The following GOPC variants were observed in gnomAD, a reference collection of about 807,000 sequenced individuals.
The protein encoded by GOPC is golgi associated PDZ and coiled-coil motif containing.
In GOPC, 32 loss-of-function variants were observed where a neutral mutation model predicts 51.2. That is an observed-to-expected ratio of 0.63 (90% CI 0.47 to 0.84). GOPC has a LOEUF of 0.84. Among genes scored for constraint, GOPC ranks in the 40% least tolerant of loss-of-function variants. GOPC has a pLI of 0.00. For missense variants in GOPC, 441 were observed against 555.5 expected, an observed-to-expected ratio of 0.79 and a Z score of 2.07; for synonymous variants, 190 against 205.1, an observed-to-expected ratio of 0.93 and a Z score of 0.63.
chr6:117,598,098 C>T (rs1041464862), intron 1 of GOPC, among the ~76,000 whole-genome samples: 2 of 151,436 alleles, frequency 1.3e-5, no homozygotes, highest in East Asian at 1.9e-4. Context: ...GTGGCCCATA[C>T]CTGTAATACC....
chr6:117,601,487 C>T (rs1772009300), intron 1 of GOPC, among the ~76,000 whole-genome samples: 1 of 152,184 alleles, frequency 6.6e-6, no homozygotes, highest in Admixed American at 6.5e-5. Flanking sequence ...GTGATACTAT[C>T]GTTATGCACC....
At position 117,580,543 on chromosome 6, in the gene GOPC, A is replaced by C. The variant is rs117234643; in HGVS notation, c.286-1479T>G. ...TGAATGGCTTTGGATGATAAACTAAAACTGATATTCAATCTAACAGGAAAT... is the reference window on the plus strand; with the variant it reads ...TGAATGGCTTTGGATGATAAACTAACACTGATATTCAATCTAACAGGAAAT... On this transcript the variant is annotated intron_variant, in intron 1 of 8. Coordinates refer to ENST00000368498, the MANE Select transcript of GOPC (RefSeq NM_020399.4). 9.5e-4 allele frequency among the ~76,000 whole-genome samples: 145 copies of C among 152,236 alleles called. 1 individual carries two copies. In the East Asian group the frequency reaches 0.026, roughly 27 times the overall value.
At chr6:117,596,141 G>A (rs953708828) in intron 1 of GOPC, among the ~76,000 whole-genome samples, 15 of 152,148 alleles carry the variant, frequency 9.9e-5, no homozygotes, top group African/African-American at 3.4e-4. Flanking sequence ...GCATTCCTCT[G>A]ATCATTAGTG....
chr6:117,597,127 T>C (rs1418420082), intron 1 of GOPC, among the ~76,000 whole-genome samples: 3 of 152,330 alleles, frequency 2.0e-5, no homozygotes, highest in Admixed American at 1.3e-4. Flanking sequence ...TATTCCAAAA[T>C]ATTTTAATTT....
At chr6:117,579,467 G>A (rs1031779047) in intron 1 of GOPC, among the ~76,000 whole-genome samples, 3 of 152,064 alleles carry the variant, frequency 2.0e-5, no homozygotes, top group African/African-American at 7.2e-5. Flanking sequence ...GAAGATGTCA[G>A]TAAGTGAGTT....
chr6:117,569,430 C>G, intron 7 of GOPC, 142 bp downstream of exon 7: 1 of 1,145,022 alleles, frequency 8.7e-7, no homozygotes, highest in Non-Finnish European at 1.2e-6. Flanking sequence ...TGAATGTCAG[C>G]TATAAAAGCA....
intron 5 of GOPC, among the ~76,000 whole-genome samples, chr6:117,572,134 C>G (rs1481074110): frequency 6.6e-6 from 1 of 152,022 alleles, no homozygotes; most frequent in African/African-American, 2.4e-5. Flanking sequence ...TCTTGGATAC[C>G]CCATTGTCAC....
At chr6:117,578,415 T>C (rs1779913073) in intron 2 of GOPC, among the ~76,000 whole-genome samples, 2 of 152,110 alleles carry the variant, frequency 1.3e-5, no homozygotes, top group Admixed American at 1.3e-4. Context: ...ATCCTGAGGA[T>C]GGAAACCATA....
At chr6:117,582,645 A>G (rs564686638) in intron 1 of GOPC, among the ~76,000 whole-genome samples, 203 of 151,130 alleles carry the variant, frequency 1.3e-3, no homozygotes, top group Non-Finnish European at 2.4e-3. Flanking sequence ...ACTTCAGGGG[A>G]GAGTGACATG....
intron 1 of GOPC, among the ~76,000 whole-genome samples, chr6:117,581,711 T>C (rs962115297): frequency 1.3e-5 from 2 of 152,236 alleles, no homozygotes; most frequent in Non-Finnish European, 2.9e-5. Context: ...CATTACTATT[T>C]TTCATTCATT....
At chr6:117,582,437 C>T (rs772072173) in intron 1 of GOPC, among the ~76,000 whole-genome samples, 3 of 151,692 alleles carry the variant, frequency 2.0e-5, no homozygotes, top group Admixed American at 6.6e-5. Context: ...CACTCTCTCC[C>T]GACTGGTTCT....
intron 1 of GOPC, among the ~76,000 whole-genome samples, chr6:117,588,899 T>C (rs1780072651): frequency 6.6e-6 from 1 of 152,004 alleles, no homozygotes; most frequent in South Asian, 2.1e-4. Flanking sequence ...TCTGAGAACC[T>C]TGACTTAGAC....
intron 1 of GOPC, among the ~76,000 whole-genome samples, chr6:117,591,936 C>T (rs904109531): frequency 7.2e-5 from 11 of 152,282 alleles, no homozygotes; most frequent in Admixed American, 2.6e-4. Context: ...GTTAGGAACA[C>T]CCGAGAAGAA....
Position 117,602,083 on chromosome 6 carries a change from T to A in GOPC, c.206A>T (p.Lys69Met). The A allele has an allele frequency of 6.2e-7, 1 of 1,614,172 alleles. No homozygotes were observed. The highest frequency in any genetic ancestry group is 2.2e-5 in the East Asian group (1 of 44,868). ...QADITYEGRQ[K>M]MTSLSSCFAQ... ...AAAGCAGGAGCTCAGGCTGGTCATCTTCTGTCGCCCCTCATAAGTGATGTC... is the reference window on the plus strand; with the variant it reads ...AAAGCAGGAGCTCAGGCTGGTCATCATCTGTCGCCCCTCATAAGTGATGTC... Residue 69 changes from lysine (K) to methionine (M), a missense_variant, in exon 1 of 9, where the codon AAG becomes ATG. Transcript: ENST00000368498.
chr6:117,563,829 G>A (rs540836464), intron 8 of GOPC, among the ~76,000 whole-genome samples: 6 of 152,048 alleles, frequency 3.9e-5, no homozygotes, highest in Non-Finnish European at 7.4e-5. Context: ...CAAAAATAAT[G>A]CCTTATATTA....
chr6:117,565,232 T>C (rs1016774680), intron 8 of GOPC, among the ~76,000 whole-genome samples: 2 of 152,196 alleles, frequency 1.3e-5, no homozygotes, highest in Non-Finnish European at 2.9e-5. Flanking sequence ...TTCAATGGCT[T>C]TGTAGATGAT....
chr6:117,569,352 G>A lies in GOPC; in HGVS notation c.1077+220C>T, dbSNP rs1779761157. On this transcript the variant is annotated intron_variant, in intron 7 of 8. Coordinates refer to ENST00000368498, the MANE Select transcript of GOPC (RefSeq NM_020399.4). ...CAGGTGAGGACACTGAGGGACAGAGGACTTAAGTAACTTGCTCAAAGTTAT... is the reference window on the plus strand; with the variant it reads ...CAGGTGAGGACACTGAGGGACAGAGAACTTAAGTAACTTGCTCAAAGTTAT... Among the ~76,000 whole-genome samples, 5 of 152,266 alleles carry A rather than the reference G, an allele frequency of 3.3e-5. No individual in the cohort carries two copies. In the South Asian group the frequency reaches 1.0e-3, roughly 32 times the overall value.
At position 117,578,977 on chromosome 6, in the gene GOPC, G is replaced by A. The variant is rs1779922205; in HGVS notation, c.373C>T (p.Gln125Ter). ...LEKEVHDQLL[Q>*]LHSIQLQLHA... ...AGCTGCAGCTGAATAGAGTGCAGCT[G>A]TAAAAGCTGATCATGTACTTCTTTC... The change falls in exon 2 of 9, where the codon CAG becomes TAG. Residue 125 changes from glutamine to a stop codon, truncating the protein, a stop_gained. Transcript: ENST00000368498. LOFTEE classifies it high-confidence loss of function. 1.2e-6 allele frequency: 2 copies of A among 1,612,546 alleles called. No homozygotes were observed. The highest frequency in any genetic ancestry group is 1.7e-6 in the Non-Finnish European group (2 of 1,179,264).
At chr6:117,573,322 C>T in intron 5 of GOPC, 145 bp downstream of exon 5, 1 of 912,386 alleles carries the variant, frequency 1.1e-6, no homozygotes, top group Non-Finnish European at 1.6e-6. Context: ...GTTGAAACTT[C>T]ATCTACTTTG....
Sources: gnomAD v4.1 joint callset for allele counts (sites outside exome capture counted in the v4.1 genomes callset) on GRCh38, gnomAD v4.1.1 for gene constraint, MANE v1.5 for transcripts, NCBI Gene and HGNC (gene_info 2026-07-23, HGNC 2026-07-21) for gene names.